Variants in MYO3B observed in about 807,000 individuals in gnomAD.
The protein encoded by MYO3B is myosin-IIIb.
In MYO3B, 156 loss-of-function variants were observed where a neutral mutation model predicts 174.6. The observed-to-expected ratio is 0.89, with a 90% CI of 0.78 to 1.02. The LOEUF (loss-of-function observed/expected upper bound fraction) is 1.02, where lower values mean the gene tolerates loss of function less well. MYO3B is among the 50% of genes least tolerant of loss of function. MYO3B has a pLI of 0.00. For missense variants in MYO3B, 1,632 were observed against 1,639.4 expected (o/e 1.00, Z 0.08); for synonymous variants, 563 against 569.1 (o/e 0.99, Z 0.15).
At chr2:170,184,235 A>G (rs1159310048) in intron 1 of MYO3B, among the ~76,000 whole-genome samples, 3 of 152,142 alleles carry the variant, frequency 2.0e-5, no homozygotes, top group Non-Finnish European at 4.4e-5. Context: ...TTTTAAATTT[A>G]CAATAAATTA....
intron 3 of MYO3B, among the ~76,000 whole-genome samples, chr2:170,213,288 T>A (rs528256147): frequency 2.2e-4 from 34 of 152,184 alleles, no homozygotes; most frequent in Non-Finnish European, 2.6e-4. Flanking sequence ...GCTCTCTGAG[T>A]GAGCAATTCC....
At chr2:170,224,515 G>A (rs1228235854) in intron 6 of MYO3B, among the ~76,000 whole-genome samples, 1 of 152,016 alleles carries the variant, frequency 6.6e-6, no homozygotes, top group African/African-American at 2.4e-5. Flanking sequence ...TATAGTGGAA[G>A]TATACTCTGA....
chr2:170,401,181 T>C (rs1016377532), intron 17 of MYO3B, among the ~76,000 whole-genome samples: 2 of 152,222 alleles, frequency 1.3e-5, no homozygotes, highest in Admixed American at 1.3e-4. Context: ...AATATATGAA[T>C]GTATTTTGTG....
chr2:170,618,574 C>T (rs1431169566), intron 32 of MYO3B, among the ~76,000 whole-genome samples: 2 of 152,132 alleles, frequency 1.3e-5, no homozygotes, highest in Non-Finnish European at 2.9e-5. Context: ...ATGGGGCTCT[C>T]TCTTTGTTCC....
chr2:170,561,461 A>G (rs1156947020), intron 32 of MYO3B, among the ~76,000 whole-genome samples: 1 of 152,224 alleles, frequency 6.6e-6, no homozygotes, highest in Non-Finnish European at 1.5e-5. Flanking sequence ...TCTTTTGCAC[A>G]TCTTTTTACA....
At chr2:170,439,052 G>A (rs1240877804) in intron 22 of MYO3B, among the ~76,000 whole-genome samples, 1 of 147,166 alleles carries the variant, frequency 6.8e-6, no homozygotes, top group Admixed American at 7.0e-5. Context: ...GGCGATATGT[G>A]TAGTCAAGTC....
At chr2:170,418,062 T>G (rs1177533711) in intron 22 of MYO3B, among the ~76,000 whole-genome samples, 1 of 152,166 alleles carries the variant, frequency 6.6e-6, no homozygotes, top group African/African-American at 2.4e-5. Flanking sequence ...ATTCCTGAGT[T>G]TAAATCACCC....
intron 1 of MYO3B, among the ~76,000 whole-genome samples, chr2:170,179,019 G>C (rs1200104274): frequency 1.3e-5 from 2 of 152,118 alleles, no homozygotes; most frequent in East Asian, 1.9e-4. Context: ...GGAACTTAGA[G>C]ATCAACCTAG....
intron 30 of MYO3B, among the ~76,000 whole-genome samples, chr2:170,532,532 G>C (rs1689417763): frequency 6.6e-6 from 1 of 152,182 alleles, no homozygotes; most frequent in South Asian, 2.1e-4. Flanking sequence ...TATCAGGTAG[G>C]CTGGGCGCAG....
chr2:170,314,522 G>A (rs2093760978), intron 7 of MYO3B, among the ~76,000 whole-genome samples: 1 of 152,104 alleles, frequency 6.6e-6, no homozygotes, highest in Non-Finnish European at 1.5e-5. Context: ...CCTTTCATTA[G>A]ATCTTTAATT....
At chr2:170,211,698 T>C (rs2092772207) in intron 3 of MYO3B, among the ~76,000 whole-genome samples, 2 of 152,094 alleles carry the variant, frequency 1.3e-5, no homozygotes, top group South Asian at 4.2e-4. Flanking sequence ...GGATTGAACC[T>C]AGGCATCATT....
At chr2:170,517,279 A>G (rs1270505039) in intron 29 of MYO3B, among the ~76,000 whole-genome samples, 1 of 152,252 alleles carries the variant, frequency 6.6e-6, no homozygotes, top group Non-Finnish European at 1.5e-5. Flanking sequence ...TAAATTAATA[A>G]GAAACATGGA....
At chr2:170,365,724 C>T (rs995840889) in intron 8 of MYO3B, among the ~76,000 whole-genome samples, 1 of 152,204 alleles carries the variant, frequency 6.6e-6, no homozygotes, top group East Asian at 1.9e-4. Flanking sequence ...AGAGTCACAA[C>T]TCTGCTTAGC....
chr2:170,352,026 C>G (rs1220202671), intron 8 of MYO3B, among the ~76,000 whole-genome samples: 2 of 152,184 alleles, frequency 1.3e-5, no homozygotes, highest in Non-Finnish European at 2.9e-5. Flanking sequence ...GATCTCGGCT[C>G]ACTGCAACCT....
intron 32 of MYO3B, among the ~76,000 whole-genome samples, chr2:170,563,810 A>G (rs551788379): frequency 2.6e-5 from 4 of 152,322 alleles, no homozygotes; most frequent in Admixed American, 2.6e-4. Context: ...AGCTCCAGCC[A>G]TCATGGCTAT....
intron 7 of MYO3B, among the ~76,000 whole-genome samples, chr2:170,248,777 A>G (rs909033745): frequency 6.6e-6 from 1 of 152,068 alleles, no homozygotes; most frequent in Non-Finnish European, 1.5e-5. Flanking sequence ...TAATCTTCCT[A>G]TTTTGTCAGC....
intron 22 of MYO3B, among the ~76,000 whole-genome samples, chr2:170,442,684 G>A (rs557201570): frequency 6.6e-6 from 1 of 152,152 alleles, no homozygotes; most frequent in Admixed American, 6.5e-5. Flanking sequence ...CCTGGTGTGT[G>A]ATGTTCCCCA....
chr2:170,214,505 G>A, intron 4 of MYO3B, 22 bp downstream of exon 4: 2 of 1,604,022 alleles, frequency 1.2e-6, no homozygotes, highest in Non-Finnish European at 1.7e-6. Context: ...TATCAAATGG[G>A]GTATGACAGC....
intron 32 of MYO3B, among the ~76,000 whole-genome samples, chr2:170,580,718 ATGTGTGTGTGTGTGTGTGTGTGTGTG>A (rs59092368): frequency 7.0e-6 from 1 of 142,702 alleles, no homozygotes; most frequent in Admixed American, 7.0e-5. Flanking sequence ...AACCTTATAT[ATGTGTGTGTGTGTGTGTGTGTGTGTG>A]TGTGTGTGTG....
Sources: gnomAD v4.1 joint callset for allele counts (sites outside exome capture counted in the v4.1 genomes callset) on GRCh38, gnomAD v4.1.1 for gene constraint, MANE v1.5 for transcripts, NCBI Gene and HGNC (gene_info 2026-07-23, HGNC 2026-07-21) for gene names.